ALDH18A1: variants seen among roughly 807,000 people sequenced by gnomAD.
ALDH18A1 encodes aldehyde dehydrogenase 18 family member A1, also known as delta-1-pyrroline-5-carboxylate synthase.
ALDH18A1 carries 44 observed loss-of-function variants against 88.8 expected under a neutral mutation model. The ratio of observed to expected loss-of-function variants is 0.50; its 90% CI spans 0.39 to 0.64. The LOEUF is 0.64. Ranked by LOEUF, ALDH18A1 falls within the 30% of genes least tolerant of loss-of-function variation. The probability of loss-of-function intolerance (pLI) is 0.00; values close to 1 mark genes in which losing one functional copy is unlikely to be tolerated. For synonymous variants in ALDH18A1, 331 were observed against 372.1 expected (o/e 0.89, Z 1.27); for missense variants, 782 against 1,009.5 (o/e 0.77, Z 3.05).
At chr10:95,617,686 A>G (rs920255610) in intron 12 of ALDH18A1, among the ~76,000 whole-genome samples, 1 of 152,234 alleles carries the variant, frequency 6.6e-6, no homozygotes, top group Admixed American at 6.5e-5. Context: ...CACAATTTTT[A>G]GGATTCATGG....
chr10:95,635,998 C>A (rs2097879898), intron 5 of ALDH18A1, among the ~76,000 whole-genome samples: 1 of 152,032 alleles, frequency 6.6e-6, no homozygotes, highest in South Asian at 2.1e-4. Context: ...TTTATACTAA[C>A]AGAAAAAAAG....
At chr10:95,640,722 A>C (rs1473375799) in intron 3 of ALDH18A1, among the ~76,000 whole-genome samples, 1 of 152,212 alleles carries the variant, frequency 6.6e-6, no homozygotes, top group Non-Finnish European at 1.5e-5. Flanking sequence ...AGTCCATCTG[A>C]CATGATAAGA....
chr10:95,656,232 T>G (rs968142017), intron 1 of ALDH18A1, among the ~76,000 whole-genome samples: 3 of 152,020 alleles, frequency 2.0e-5, no homozygotes, highest in African/African-American at 7.2e-5. Context: ...GGCTCCATAC[T>G]CTTGGAAAGA....
chr10:95,643,177 C>T lies in ALDH18A1; in HGVS notation c.118G>A (p.Val40Ile), dbSNP rs374409572. 3 of 1,614,076 alleles carry T rather than the reference C, an allele frequency of 1.9e-6. No individual in the cohort carries two copies. Among genetic ancestry groups the T allele is most frequent in the African/African-American group, 1.3e-5 (1 of 74,930 alleles). ...AACGGGATGTTGCTCCAAGAACGAA[C>T]ATGTCTGATGACTGAAGGCTGGATA... ...HCIQPSVIRHVRSWSNIPFIT... is the reference protein window; with the variant it reads ...HCIQPSVIRHIRSWSNIPFIT... Residue 40 changes from valine to isoleucine, a missense_variant, in exon 3 of 18, where the codon GTT (valine) becomes ATT (isoleucine). Coordinates refer to ENST00000371224, the MANE Select transcript of ALDH18A1 (RefSeq NM_002860.4).
intron 11 of ALDH18A1, among the ~76,000 whole-genome samples, chr10:95,623,087 T>C (rs2097855405): frequency 1.3e-5 from 2 of 151,632 alleles, no homozygotes; most frequent in Admixed American, 6.6e-5. Context: ...GACCTTATAT[T>C]AAGAAAAAAA....
chr10:95,628,355 A>G lies in ALDH18A1; in HGVS notation c.933+13T>C, dbSNP rs201520042. The G allele has an allele frequency of 2.2e-4, 360 of 1,614,140 alleles. 2 individuals are homozygous for G. Among genetic ancestry groups the G allele is most frequent in the Non-Finnish European group, 2.8e-4 (329 of 1,179,962 alleles). On this transcript the variant is annotated intron_variant, in intron 8 of 17. Transcript: ENST00000371224. ...TAAAATTGTTATAGGCAGTTAAGGC[A>G]CCAGATTCTTACCTTGGCTTCCATG...
chr10:95,655,813 C>CATTT (rs2097917202), intron 1 of ALDH18A1, among the ~76,000 whole-genome samples: 2 of 152,194 alleles, frequency 1.3e-5, no homozygotes, highest in Non-Finnish European at 2.9e-5. Flanking sequence ...TGACTCAAGA[C>CATTT]ATTTCTCAAT....
rs1369046614 is a variant in ALDH18A1 at position 95,627,732 on chromosome 10, AACACATAACAGTTC to A, written c.934-160_934-147del. On this transcript the variant is annotated intron_variant, in intron 8 of 17. Transcript: ENST00000371224. ...TTTTTAAAAGCTTAGAAGCTCTGAA[AACACATAACAGTTC>A]ACACACTTTCCAGCTCAACCTTGGC... 4 of 1,048,636 alleles carry A rather than the reference AACACATAACAGTTC, an allele frequency of 3.8e-6. No homozygotes were observed. The East Asian group carries it at 1.0e-4, about 27-fold the overall frequency. 65.0% of individuals were successfully genotyped at this position (1,048,636 alleles called of 1,614,324 possible).
intron 7 of ALDH18A1, among the ~76,000 whole-genome samples, chr10:95,632,593 G>A (rs2097872354): frequency 6.6e-6 from 1 of 152,068 alleles, no homozygotes; most frequent in African/African-American, 2.4e-5. Context: ...TGAATTCCTG[G>A]GCTCAAGTGA....
intron 12 of ALDH18A1, among the ~76,000 whole-genome samples, chr10:95,618,794 C>T (rs1453108993): frequency 6.6e-6 from 1 of 152,164 alleles, no homozygotes; most frequent in African/African-American, 2.4e-5. Context: ...AAGTGAACCA[C>T]AGGCTAAGAT....
In ALDH18A1 at chr10:95,637,271, G is replaced by A; in HGVS notation, c.453+16C>T. The A allele has an allele frequency of 6.2e-7, 1 of 1,614,228 alleles. No individual in the cohort carries two copies. The highest frequency in any genetic ancestry group is 2.2e-5 in the East Asian group (1 of 44,890). On this transcript the variant is annotated intron_variant, in intron 4 of 17. Coordinates refer to ENST00000371224, the MANE Select transcript of ALDH18A1 (RefSeq NM_002860.4). ...ACCTGAAGATCCATTTCAATGTGTG[G>A]GGAAGCAGCACTCACCATTTCTTTC...
chr10:95,611,389 G>A lies in ALDH18A1; in HGVS notation c.1977C>T (p.Ser659=), dbSNP rs1804934. The change falls in exon 16 of 18, where the codon TCC becomes TCT. Residue 659 remains serine, a synonymous_variant. Transcript: ENST00000371224. ...KFASYLTFSP[S]EVKSLRTEYG... is the part of the protein sequence containing the mutation. ...ACTCAGTTCGGAGTGACTTCACTTCGGAGGGGCTGAAGGTCAGATAGGAGG... is the reference window on the plus strand; with the variant it reads ...ACTCAGTTCGGAGTGACTTCACTTCAGAGGGGCTGAAGGTCAGATAGGAGG... 40,705 of 1,614,154 alleles carry A rather than the reference G, an allele frequency of 0.025. 550 individuals carry two copies. The highest frequency in any genetic ancestry group is 0.041 in the African/African-American group (3,102 of 75,020).
At chr10:95,646,531 C>T (rs2097901652) in intron 2 of ALDH18A1, among the ~76,000 whole-genome samples, 1 of 152,076 alleles carries the variant, frequency 6.6e-6, no homozygotes, top group Non-Finnish European at 1.5e-5. Context: ...CTTCAGGGGA[C>T]TCAGGGCTTG....
intron 11 of ALDH18A1, among the ~76,000 whole-genome samples, chr10:95,624,295 A>C (rs1285307682): frequency 2.0e-5 from 3 of 150,564 alleles, no homozygotes; most frequent in African/African-American, 7.3e-5. Context: ...TCTTCTGCCA[A>C]CAACAAGCTG....
chr10:95,649,880 C>T (rs966035291), intron 2 of ALDH18A1, among the ~76,000 whole-genome samples: 3 of 146,438 alleles, frequency 2.0e-5, no homozygotes, highest in African/African-American at 7.6e-5. Flanking sequence ...CACCCTGTCT[C>T]AAAAAATAAA....
chr10:95,628,552 TC>T, intron 7 of ALDH18A1, 60 bp from the exon 8 acceptor site: 1 of 1,591,728 alleles, frequency 6.3e-7, no homozygotes, highest in East Asian at 2.3e-5. Flanking sequence ...AAGACAGGCC[TC>T]CCCAGGGCAC....
intron 1 of ALDH18A1, 176 bp downstream of exon 1, chr10:95,656,421 T>A (rs950307087): frequency 3.3e-5 from 5 of 151,880 alleles, no homozygotes; most frequent in African/African-American, 1.2e-4. Flanking sequence ...GCAGCCGCCA[T>A]CCCTCGGCCG....
rs886047509 is a variant in ALDH18A1, at chr10:95,606,560, A to G, written c.*202T>C. On this transcript the variant is annotated 3_prime_UTR_variant, in exon 18 of 18. Coordinates refer to ENST00000371224, the MANE Select transcript of ALDH18A1 (RefSeq NM_002860.4). Reference sequence around the variant, plus strand: ...TCGGTAGCAACTATTTTCTTACTTTAAAAAAAAAGGGTGAGCTGGGAGCCA... The same window carrying G: ...TCGGTAGCAACTATTTTCTTACTTTGAAAAAAAAGGGTGAGCTGGGAGCCA... 16 of 1,344,554 alleles carry G rather than the reference A, an allele frequency of 1.2e-5. No individual in the cohort carries two copies. Among genetic ancestry groups the G allele is most frequent in the Non-Finnish European group, 1.5e-5 (16 of 1,041,116 alleles). 83.3% of individuals were successfully genotyped at this position (1,344,554 alleles called of 1,614,324 possible).
intron 11 of ALDH18A1, among the ~76,000 whole-genome samples, chr10:95,621,740 A>T (rs2139571291): frequency 6.6e-6 from 1 of 152,238 alleles, no homozygotes; most frequent in African/African-American, 2.4e-5. Context: ...CATCATGTAA[A>T]GCTGTGTACC....
Sources: gnomAD v4.1 joint callset for allele counts (sites outside exome capture counted in the v4.1 genomes callset) on GRCh38, gnomAD v4.1.1 for gene constraint, MANE v1.5 for transcripts, NCBI Gene and HGNC (gene_info 2026-07-23, HGNC 2026-07-21) for gene names.